ORC4: variants seen among roughly 807,000 people sequenced by gnomAD.
ORC4 encodes the protein origin recognition complex, subunit 4 homolog.
A neutral mutation model predicts 63.9 loss-of-function variants in ORC4; 55 were observed. The ratio of observed to expected loss-of-function variants is 0.86; its 90% CI spans 0.69 to 1.08. ORC4 has a LOEUF of 1.08. ORC4 is among the 50% of genes least tolerant of loss of function. The pLI is 0.00. For synonymous variants in ORC4, 150 were observed against 168.5 expected (o/e 0.89, Z 0.85); for missense variants, 511 against 504.4 (o/e 1.01, Z -0.13).
intron 2 of ORC4, among the ~76,000 whole-genome samples, chr2:147,974,025 T>G (rs554641739): frequency 2.0e-5 from 3 of 152,258 alleles, no homozygotes; most frequent in South Asian, 4.1e-4. Flanking sequence ...TATCTCAGAT[T>G]TGGCCCCATG....
At chr2:147,938,449 C>T in intron 11 of ORC4, 56 bp from the exon 12 acceptor site, 1 of 994,884 alleles carries the variant, frequency 1.0e-6, no homozygotes, top group Non-Finnish European at 1.6e-6. Flanking sequence ...ACTGAAATAA[C>T]TGTTCTCCAA....
intron 8 of ORC4, among the ~76,000 whole-genome samples, chr2:147,948,775 C>A (rs1688792147): frequency 6.6e-6 from 1 of 150,618 alleles, no homozygotes; most frequent in South Asian, 2.1e-4. Context: ...CACTAAAAAC[C>A]AAAGGATAAC....
chr2:147,979,536 C>T (rs1206512385), intron 1 of ORC4, among the ~76,000 whole-genome samples: 2 of 151,992 alleles, frequency 1.3e-5, no homozygotes, highest in Middle Eastern at 6.8e-3. Flanking sequence ...TCAAAGTAAT[C>T]CATATCAAAA....
chr2:147,978,785 G>A (rs1690707068), intron 1 of ORC4, among the ~76,000 whole-genome samples: 1 of 152,118 alleles, frequency 6.6e-6, no homozygotes, highest in South Asian at 2.1e-4. Flanking sequence ...TTTATCTTTG[G>A]AATGCAAAGA....
rs17225594 is a variant in ORC4, at chr2:147,945,011, TA to T, written c.763-1490del. On this transcript the variant is annotated intron_variant, in intron 9 of 13. Coordinates refer to ENST00000392857, the MANE Select transcript of ORC4 (RefSeq NM_181741.4). ...AAACAAAGTAATACCTTTTGGAAATTAAAAAAAAATTTGTTTAGCTTTTCCA... is the reference window on the plus strand; with the variant it reads ...AAACAAAGTAATACCTTTTGGAAATTAAAAAAAATTTGTTTAGCTTTTCCA... 6.2e-3 allele frequency among the ~76,000 whole-genome samples: 944 copies of T among 151,602 alleles called. 6 individuals carry two copies. Among genetic ancestry groups the T allele is most frequent in the East Asian group, 0.019 (97 of 5,170 alleles).
rs140074853 is a variant in ORC4 at position 147,978,586 on chromosome 2, G to A, written c.-17-2611C>T. ...AAGTTAAAGTGTCTTATCAGGGTCCGCAGTTGGGACTGAGGACAGTGGACT... is the reference window on the plus strand; with the variant it reads ...AAGTTAAAGTGTCTTATCAGGGTCCACAGTTGGGACTGAGGACAGTGGACT... On this transcript the variant is annotated intron_variant, in intron 1 of 13. Coordinates refer to ENST00000392857, the MANE Select transcript of ORC4 (RefSeq NM_181741.4). 2.6e-4 allele frequency among the ~76,000 whole-genome samples: 40 copies of A among 152,250 alleles called. No homozygotes were observed. In the East Asian group the frequency reaches 6.0e-3, roughly 23 times the overall value.
chr2:147,969,899 T>C (rs1456488912), intron 4 of ORC4, among the ~76,000 whole-genome samples: 1 of 151,802 alleles, frequency 6.6e-6, no homozygotes, highest in Admixed American at 6.6e-5. Context: ...AGTATGGAGA[T>C]AGGGAAGGAA....
At chr2:147,941,084 AGAGT>A (rs1688340130) in intron 10 of ORC4, among the ~76,000 whole-genome samples, 1 of 152,134 alleles carries the variant, frequency 6.6e-6, no homozygotes, top group South Asian at 2.1e-4. Flanking sequence ...ATTATACAAC[AGAGT>A]AATTTTCAAC....
In ORC4 at chr2:147,943,529, GGA is replaced by G. The variant is rs1688489622; in HGVS notation, c.763-9_763-8del. 10 of 1,167,766 alleles carry G rather than the reference GGA, an allele frequency of 8.6e-6. No homozygotes were observed. The highest frequency in any genetic ancestry group is 5.1e-5 in the Admixed American group (2 of 39,028). 72.3% of individuals were successfully genotyped at this position (1,167,766 alleles called of 1,614,324 possible). ...TTCTATCTTCTGAGAGATACTAAAA[GGA>G]AAAAAAAAAAAAAAGCCAAAATTGA... On this transcript the variant is annotated splice_region_variant and splice_polypyrimidine_tract_variant and intron_variant, in intron 9 of 13. Coordinates refer to ENST00000392857, the MANE Select transcript of ORC4 (RefSeq NM_181741.4).
intron 11 of ORC4, 149 bp downstream of exon 11, chr2:147,938,991 C>T: frequency 1.6e-6 from 1 of 607,626 alleles, no homozygotes; most frequent in Non-Finnish European, 3.0e-6. Context: ...AGTGATAGTA[C>T]CTTTAAAAGG....
At chr2:148,016,141 G>A (rs1238254065) in intron 1 of ORC4, among the ~76,000 whole-genome samples, 1 of 152,162 alleles carries the variant, frequency 6.6e-6, no homozygotes, top group Non-Finnish European at 1.5e-5. Flanking sequence ...ACACCGTTTT[G>A]AAGTGTTGTC....
At position 148,006,886 on chromosome 2, in the gene ORC4, AC is replaced by A. The variant is rs1558877696; in HGVS notation, c.-18+13746del. On this transcript the variant is annotated intron_variant, in intron 1 of 13. Transcript: ENST00000392857. Reference sequence around the variant, plus strand: ...TGGTGGCTACAGGAATGCCTGTATCACCCCCCACCAACACTGGGCAGGCCAG... The same window carrying A: ...TGGTGGCTACAGGAATGCCTGTATCACCCCCACCAACACTGGGCAGGCCAG... 2.6e-5 allele frequency among the ~76,000 whole-genome samples: 4 copies of A among 152,014 alleles called. No homozygotes were observed. In the South Asian group the frequency reaches 8.3e-4, roughly 32 times the overall value.
At chr2:147,977,284 T>C (rs991534701) in intron 1 of ORC4, among the ~76,000 whole-genome samples, 1 of 152,194 alleles carries the variant, frequency 6.6e-6, no homozygotes. Flanking sequence ...GGAACACAGC[T>C]TTGCTAACAC....
intron 1 of ORC4, among the ~76,000 whole-genome samples, chr2:148,015,821 A>C (rs1218457647): frequency 6.6e-6 from 1 of 152,166 alleles, no homozygotes; most frequent in East Asian, 1.9e-4. Flanking sequence ...TTGCAATATC[A>C]ACAATGCATT....
At chr2:147,988,455 GT>G (rs1164600980) in intron 1 of ORC4, among the ~76,000 whole-genome samples, 1 of 151,790 alleles carries the variant, frequency 6.6e-6, no homozygotes, top group Non-Finnish European at 1.5e-5. Context: ...CGCCTCCTGG[GT>G]TCAAGCTATT....
chr2:148,016,613 G>A (rs1226358243), intron 1 of ORC4, among the ~76,000 whole-genome samples: 4 of 152,100 alleles, frequency 2.6e-5, no homozygotes, highest in Non-Finnish European at 5.9e-5. Context: ...ACTTTTTTCA[G>A]GGAAAATGCT....
intron 1 of ORC4, among the ~76,000 whole-genome samples, chr2:148,012,126 C>T (rs1460868518): frequency 2.0e-5 from 3 of 152,002 alleles, no homozygotes; most frequent in African/African-American, 7.2e-5. Context: ...ACAAAAGACC[C>T]CAAATAGCCA....
In ORC4 at chr2:148,000,639, C is replaced by T. The variant is rs117772082; in HGVS notation, c.-18+19994G>A. Reference sequence around the variant, plus strand: ...GAACTAGCATAGGATAGAGACTGCACCAGCAGCAACTATATCAAGCAATGG... The same window carrying T: ...GAACTAGCATAGGATAGAGACTGCATCAGCAGCAACTATATCAAGCAATGG... On this transcript the variant is annotated intron_variant, in intron 1 of 13. Coordinates refer to ENST00000392857, the MANE Select transcript of ORC4 (RefSeq NM_181741.4). Among the ~76,000 whole-genome samples the T allele has an allele frequency of 4.3e-4, 65 of 152,160 alleles. No homozygotes were observed. The East Asian group carries it at 0.011, about 26-fold the overall frequency.
intron 1 of ORC4, among the ~76,000 whole-genome samples, chr2:147,985,054 C>A (rs1483615732): frequency 6.6e-6 from 1 of 152,120 alleles, no homozygotes; most frequent in Non-Finnish European, 1.5e-5. Context: ...ACTTATAACT[C>A]TTCTTTCTCA....
Sources: gnomAD v4.1 joint callset for allele counts (sites outside exome capture counted in the v4.1 genomes callset) on GRCh38, gnomAD v4.1.1 for gene constraint, MANE v1.5 for transcripts, NCBI Gene and HGNC (gene_info 2026-07-23, HGNC 2026-07-21) for gene names.